ACSM5: variants seen among roughly 807,000 people sequenced by gnomAD.
ACSM5 encodes the protein acyl-CoA synthetase medium chain family member 5, also known as acyl-coenzyme A synthetase ACSM5, mitochondrial.
ACSM5 carries 56 observed loss-of-function variants against 71.6 expected under a neutral mutation model. That is an observed-to-expected ratio of 0.78 (90% CI 0.63 to 0.98). ACSM5 has a LOEUF of 0.98. Ranked by LOEUF, ACSM5 falls within the 50% of genes least tolerant of loss-of-function variation. The pLI, the probability that ACSM5 is intolerant of heterozygous loss-of-function variation, is 0.00. For missense variants in ACSM5, 723 were observed against 726.0 expected, an observed-to-expected ratio of 1.00 and a Z score of 0.05; for synonymous variants, 285 against 281.5, an observed-to-expected ratio of 1.01 and a Z score of -0.12.
At chr16:20,434,563 G>A (rs1300783914) in intron 10 of ACSM5, among the ~76,000 whole-genome samples, 5 of 152,022 alleles carry the variant, frequency 3.3e-5, no homozygotes, top group South Asian at 2.1e-4. Flanking sequence ...GTGTGGTGGC[G>A]GGCACCTGTA....
At position 20,440,409 on chromosome 16, in the gene ACSM5, T is replaced by G; in HGVS notation, c.1722T>G (p.Ser574Arg). Residue 574 changes from serine (S) to arginine (R), a missense_variant, in exon 14 of 14, where the codon AGT becomes AGG. Ser to Arg is a moderately radical substitution (Grantham distance 110, BLOSUM62 -1). Transcript: ENST00000331849. Reference sequence around the variant, plus strand: ...AGATCCAAAGGAGTAAATTGCGAAGTCAGGAGTGGGGGAAATGAGGTGCAC... The same window carrying G: ...AGATCCAAAGGAGTAAATTGCGAAGGCAGGAGTGGGGGAAATGAGGTGCAC... ...SGKIQRSKLR[S>R]QEWGK The G allele has an allele frequency of 6.2e-7, 1 of 1,610,710 alleles. No individual in the cohort carries two copies. Among genetic ancestry groups the G allele is most frequent in the Non-Finnish European group, 8.5e-7 (1 of 1,177,240 alleles).
chr16:20,414,285 A>C (rs1376831574), intron 2 of ACSM5, among the ~76,000 whole-genome samples: 1 of 152,196 alleles, frequency 6.6e-6, no homozygotes, highest in Non-Finnish European at 1.5e-5. Flanking sequence ...ATTCATATGA[A>C]GAGATTATTC....
intron 10 of ACSM5, among the ~76,000 whole-genome samples, chr16:20,432,679 C>CAGG (rs1337961152): frequency 6.6e-6 from 1 of 152,066 alleles, no homozygotes; most frequent in Admixed American, 6.6e-5. Context: ...TAGTGTGGAG[C>CAGG]AGGACTCTGG....
intron 4 of ACSM5, among the ~76,000 whole-genome samples, chr16:20,420,180 TCA>T (rs1037450912): frequency 1.3e-5 from 2 of 152,172 alleles, no homozygotes; most frequent in African/African-American, 4.8e-5. Flanking sequence ...TTATGAATGC[TCA>T]CCCCACAGAC....
chr16:20,424,787 T>C lies in ACSM5; in HGVS notation c.921+718T>C, dbSNP rs545709625. Among the ~76,000 whole-genome samples the C allele has an allele frequency of 3.9e-5, 6 of 152,318 alleles. No homozygotes were observed. The South Asian group carries it at 1.2e-3, about 32-fold the overall frequency. On this transcript the variant is annotated intron_variant, in intron 6 of 13. Coordinates refer to ENST00000331849, the MANE Select transcript of ACSM5 (RefSeq NM_017888.3). ...GAAAGGGATACATTTCTCTATAGAT[T>C]TGCTGCGAGAATGAAATGATACAAG...
intron 7 of ACSM5, 140 bp downstream of exon 7, chr16:20,428,007 T>G: frequency 1.4e-6 from 1 of 706,852 alleles, no homozygotes; most frequent in Non-Finnish European, 2.5e-6. Flanking sequence ...GCCTCTCTCT[T>G]TGTCTCTCTC....
At chr16:20,418,607 T>C (rs1187052669) in intron 3 of ACSM5, among the ~76,000 whole-genome samples, 7 of 152,180 alleles carry the variant, frequency 4.6e-5, no homozygotes, top group Non-Finnish European at 7.4e-5. Context: ...TGATTTGTAA[T>C]TGAAAACTCT....
chr16:20,413,246 C>G (rs540074372), intron 2 of ACSM5, among the ~76,000 whole-genome samples: 2 of 152,038 alleles, frequency 1.3e-5, no homozygotes, highest in African/African-American at 4.8e-5. Context: ...AGGATTAAGT[C>G]AGGAAAAAAA....
At chr16:20,439,664 T>C (rs1207110901) in intron 12 of ACSM5, 136 bp from the exon 13 acceptor site, 133 of 1,082,206 alleles carry the variant, frequency 1.2e-4, no homozygotes, top group African/African-American at 9.8e-4. Flanking sequence ...GTTTGTGTCA[T>C]TGGCTGTGCC....
At chr16:20,428,537 C>T (rs1397943180) in intron 7 of ACSM5, among the ~76,000 whole-genome samples, 1 of 152,206 alleles carries the variant, frequency 6.6e-6, no homozygotes, top group East Asian at 1.9e-4. Flanking sequence ...CCAACCCTGA[C>T]CTGTTCTCCC....
rs755017266 is a variant in ACSM5, at chr16:20,418,126, G to T, written c.272G>T (p.Ser91Ile). 6.2e-7 allele frequency: 1 copy of T among 1,613,862 alleles called. No homozygotes were observed. Among genetic ancestry groups the T allele is most frequent in the Admixed American group, 1.7e-5 (1 of 60,022 alleles). The change falls in exon 3 of 14, where the codon AGC becomes ATC. Residue 91 changes from serine (S) to isoleucine (I), a missense_variant. By Grantham distance (142) the Ser-to-Ile change is moderately radical. Coordinates refer to ENST00000331849, the MANE Select transcript of ACSM5 (RefSeq NM_017888.3). ...VNGTGAEIKWSFEELGKQSRK... is the reference protein window; with the variant it reads ...VNGTGAEIKWIFEELGKQSRK... The stretch of plus-strand genomic sequence containing the variant: ...GGCACAGGAGCAGAGATCAAGTGGA[G>T]CTTTGAGGAGCTGGGGAAGCAGTCC...
In ACSM5 at chr16:20,439,882, T is replaced by A. The variant is rs777898691; in HGVS notation, c.1619T>A (p.Val540Glu). The change falls in exon 13 of 14, where the codon GTG becomes GAG. Residue 540 changes from valine to glutamate, a missense_variant. Physicochemically the swap from Val to Glu is moderately radical, Grantham distance 121 (BLOSUM62 -2). Transcript: ENST00000331849. ...CTAACGCGGGAACTCCAGGAGCATG[T>A]GAAAAGGGTGACTGCTCCATACAAA... is the stretch of plus-strand genomic sequence containing the variant. ...EALTRELQEH[V>E]KRVTAPYKYP... 4 of 1,612,224 alleles carry A rather than the reference T, an allele frequency of 2.5e-6. No homozygotes were observed. In the African/African-American group the frequency reaches 5.3e-5, roughly 22 times the overall value.
intron 2 of ACSM5, among the ~76,000 whole-genome samples, chr16:20,416,199 C>T (rs1966856042): frequency 6.6e-6 from 1 of 151,158 alleles, no homozygotes. Flanking sequence ...TATCAAAATC[C>T]TAGGAGACTT....
At chr16:20,440,165 G>T (rs975189733) in intron 13 of ACSM5, 179 bp from the exon 14 acceptor site, 11 of 662,658 alleles carry the variant, frequency 1.7e-5, no homozygotes, top group African/African-American at 1.1e-4. Flanking sequence ...GTGCTCAAAT[G>T]CTGTCAAAAT....
At position 20,423,961 on chromosome 16, in the gene ACSM5, T is replaced by A. The variant is rs200782835; in HGVS notation, c.813T>A (p.Thr271=). Residue 271 remains threonine (T), a synonymous_variant, in exon 6 of 14, where the codon ACT becomes ACA. Transcript: ENST00000331849. ...AATCTGACATCTTCTGGAACACGAC[T>A]GACACTGGCTGGGTGAAGGCAGCCT... ...LTESDIFWNT[T]DTGWVKAAWT... 8 of 1,614,096 alleles carry A rather than the reference T, an allele frequency of 5.0e-6. No individual in the cohort carries two copies. Among genetic ancestry groups the A allele is most frequent in the South Asian group, 4.4e-5 (4 of 91,072 alleles).
At chr16:20,435,977 T>TC (rs1183441748) in intron 10 of ACSM5, among the ~76,000 whole-genome samples, 1 of 150,906 alleles carries the variant, frequency 6.6e-6, no homozygotes, top group Non-Finnish European at 1.5e-5. Context: ...CTTCCTTCCT[T>TC]TTTTCTTTCT....
Sources: gnomAD v4.1 joint callset for allele counts (sites outside exome capture counted in the v4.1 genomes callset) on GRCh38, gnomAD v4.1.1 for gene constraint, MANE v1.5 for transcripts, NCBI Gene and HGNC (gene_info 2026-07-23, HGNC 2026-07-21) for gene names.